The following SRGAP3 variants were observed in gnomAD, a reference collection of about 807,000 sequenced individuals.
The protein encoded by SRGAP3 is SLIT-ROBO Rho GTPase activating protein 3.
SRGAP3 carries 39 observed loss-of-function variants against 121.1 expected under a neutral mutation model. That is an observed-to-expected ratio of 0.32 (90% CI 0.25 to 0.42). SRGAP3 has a LOEUF of 0.42. Ranked by LOEUF, SRGAP3 falls within the 10% of genes least tolerant of loss-of-function variation. SRGAP3 has a pLI of 1.00. For missense variants in SRGAP3, 1,213 were observed against 1,470.6 expected, an observed-to-expected ratio of 0.82 and a Z score of 2.86; for synonymous variants, 601 against 570.0, an observed-to-expected ratio of 1.05 and a Z score of -0.77.
chr3:9,280,737 G>C (rs117483172), intron 3 of SRGAP3, among the ~76,000 whole-genome samples: 2,711 of 152,290 alleles, frequency 0.018, 45 homozygotes, highest in South Asian at 0.085. Flanking sequence ...ACATTTAATA[G>C]GATGCAGAAT....
intron 1 of SRGAP3, among the ~76,000 whole-genome samples, chr3:9,238,650 C>G (rs1450258359): frequency 6.6e-6 from 1 of 152,174 alleles, no homozygotes; most frequent in Non-Finnish European, 1.5e-5. Flanking sequence ...GATGAGGCAA[C>G]CACCAAACAG....
At chr3:9,327,872 T>TCC (rs1375071719) in intron 2 of SRGAP3, among the ~76,000 whole-genome samples, 1 of 143,580 alleles carries the variant, frequency 7.0e-6, no homozygotes, top group African/African-American at 3.0e-5. Flanking sequence ...AACCAGTCAT[T>TCC]TTACTTCGGG....
intron 9 of SRGAP3, among the ~76,000 whole-genome samples, chr3:9,052,716 G>T (rs967125656): frequency 2.0e-5 from 3 of 152,104 alleles, no homozygotes; most frequent in African/African-American, 7.2e-5. Flanking sequence ...TGTTCCTTGG[G>T]ACTTGTACCT....
At chr3:9,072,825 G>A (rs1467312017) in intron 4 of SRGAP3, among the ~76,000 whole-genome samples, 1 of 152,248 alleles carries the variant, frequency 6.6e-6, no homozygotes, top group East Asian at 1.9e-4. Flanking sequence ...CAACCGAGGT[G>A]ACATAGGGCT....
At chr3:8,993,156 T>G (rs1210230792) in intron 19 of SRGAP3, 101 bp from the exon 20 acceptor site, 2 of 1,568,908 alleles carry the variant, frequency 1.3e-6, no homozygotes, top group Admixed American at 1.7e-5. Context: ...TTAACACAAC[T>G]TATGGTTACT....
intron 10 of SRGAP3, among the ~76,000 whole-genome samples, chr3:9,039,864 T>A (rs1944937410): frequency 6.6e-6 from 1 of 152,218 alleles, no homozygotes. Flanking sequence ...CAGACCACAT[T>A]TTCTTTATCC....
At chr3:9,356,815 T>C (rs187528104) in intron 1 of SRGAP3, among the ~76,000 whole-genome samples, 94 of 152,116 alleles carry the variant, frequency 6.2e-4, no homozygotes, top group African/African-American at 2.2e-3. Context: ...GCCTGGGACA[T>C]GATTTTAGAT....
chr3:9,104,932 T>TCCACGGTG, intron 2 of SRGAP3, 90 bp from the exon 3 acceptor site: 1 of 1,513,016 alleles, frequency 6.6e-7, no homozygotes. Flanking sequence ...TCTTTTAACC[T>TCCACGGTG]CCACGGTGCC....
chr3:9,326,359 T>C (rs1022117892), intron 2 of SRGAP3, among the ~76,000 whole-genome samples: 6 of 151,932 alleles, frequency 3.9e-5, no homozygotes, highest in African/African-American at 1.2e-4. Flanking sequence ...AAATGGACCA[T>C]CAGGTACTCA....
intron 12 of SRGAP3, among the ~76,000 whole-genome samples, chr3:9,028,467 T>A (rs1335806948): frequency 3.9e-5 from 6 of 152,156 alleles, no homozygotes; most frequent in African/African-American, 1.4e-4. Context: ...TCCCTGTACC[T>A]AGCTTCTCTT....
chr3:9,185,330 C>G (rs1359695475), intron 1 of SRGAP3, among the ~76,000 whole-genome samples: 1 of 152,172 alleles, frequency 6.6e-6, no homozygotes, highest in South Asian at 2.1e-4. Flanking sequence ...ATTCCAGCCC[C>G]TCACACTAGC....
intron 3 of SRGAP3, among the ~76,000 whole-genome samples, chr3:9,281,542 T>TTTATTA (rs35128183): frequency 7.3e-5 from 11 of 151,650 alleles, no homozygotes; most frequent in East Asian, 5.8e-4. Context: ...TGTACTTACT[T>TTTATTA]TTATTATTAT....
intron 3 of SRGAP3, among the ~76,000 whole-genome samples, chr3:9,325,824 C>T (rs1002908897): frequency 6.6e-6 from 1 of 151,884 alleles, no homozygotes; most frequent in Non-Finnish European, 1.5e-5. Context: ...TAAAACTATA[C>T]CCTATAAGTG....
At chr3:9,033,011 T>C (rs926799618) in intron 11 of SRGAP3, among the ~76,000 whole-genome samples, 8 of 152,116 alleles carry the variant, frequency 5.3e-5, no homozygotes, top group Non-Finnish European at 8.8e-5. Flanking sequence ...GGGAATATAG[T>C]ACATGTGCAA....
At chr3:9,015,340 CTT>C (rs150588689) in intron 15 of SRGAP3, among the ~76,000 whole-genome samples, 84 of 152,356 alleles carry the variant, frequency 5.5e-4, no homozygotes, top group Admixed American at 1.4e-3. Flanking sequence ...AGCACTCTCT[CTT>C]GGCTCTGATC....
chr3:9,164,707 T>C lies in SRGAP3; in HGVS notation c.68-39790A>G, dbSNP rs758578687. Among the ~76,000 whole-genome samples, 59 of 152,306 alleles carry C rather than the reference T, an allele frequency of 3.9e-4. 1 individual carries two copies. Among genetic ancestry groups the C allele is most frequent in the Admixed American group, 1.2e-3 (18 of 15,296 alleles). On this transcript the variant is annotated intron_variant, in intron 1 of 21. Transcript: ENST00000383836. The stretch of plus-strand genomic sequence containing the variant: ...AGCATCTCCTTGCTGGTTGAACACA[T>C]ATCATCTTCCTTGCCAAACAATATA...
At chr3:9,259,521 C>A (rs1574950637) in intron 3 of SRGAP3, among the ~76,000 whole-genome samples, 1 of 152,160 alleles carries the variant, frequency 6.6e-6, no homozygotes, top group South Asian at 2.1e-4. Flanking sequence ...ATTGCTGAGG[C>A]TGGCCTCAAA....
intron 3 of SRGAP3, among the ~76,000 whole-genome samples, chr3:9,283,797 T>A (rs907223616): frequency 6.6e-6 from 1 of 152,194 alleles, no homozygotes; most frequent in Admixed American, 6.5e-5. Context: ...GGCAGATATT[T>A]AAACCAGTTC....
In SRGAP3 at chr3:8,981,521, T is replaced by C. The variant is rs1315430313; in HGVS notation, c.*3998A>G. The C allele has an allele frequency of 2.1e-5, 5 of 232,852 alleles. No individual in the cohort carries two copies. The Admixed American group carries it at 2.8e-4, about 13-fold the overall frequency. The allele number at this position is 232,852 out of a possible 1,614,324, so 14.4% of individuals were successfully genotyped here. A position where few individuals can be genotyped will look rare whatever the true frequency, so the allele number is the denominator to read the frequency against. Reference sequence around the variant, plus strand: ...AGTCCTCGTGTTTTTCCATTAGCTGTGGACATGCACTGAATGCCACATCAC... The same window carrying C: ...AGTCCTCGTGTTTTTCCATTAGCTGCGGACATGCACTGAATGCCACATCAC... On this transcript the variant is annotated 3_prime_UTR_variant, in exon 22 of 22. Transcript: ENST00000383836.
Sources: gnomAD v4.1 joint callset for allele counts (sites outside exome capture counted in the v4.1 genomes callset) on GRCh38, gnomAD v4.1.1 for gene constraint, MANE v1.5 for transcripts, NCBI Gene and HGNC (gene_info 2026-07-23, HGNC 2026-07-21) for gene names.